ZNF385B: variants seen among roughly 807,000 people sequenced by gnomAD.
The protein encoded by ZNF385B is zinc finger protein 385B.
Under a neutral mutation model 39.2 loss-of-function variants are expected in ZNF385B, and 23 were observed. That is an observed-to-expected ratio of 0.59 (90% CI 0.42 to 0.83). The LOEUF (loss-of-function observed/expected upper bound fraction) is 0.83, where lower values mean the gene tolerates loss of function less well. Ranked by LOEUF, ZNF385B falls within the 40% of genes least tolerant of loss-of-function variation. The pLI is 0.00. For synonymous variants in ZNF385B, 205 were observed against 222.6 expected (o/e 0.92, Z 0.70); for missense variants, 552 against 598.9 (o/e 0.92, Z 0.82).
At position 179,735,767 on chromosome 2, in the gene ZNF385B, T is replaced by C. The variant is rs1489967804; in HGVS notation, c.298+33736A>G. On this transcript the variant is annotated intron_variant, in intron 3 of 9. Coordinates refer to ENST00000410066, the MANE Select transcript of ZNF385B (RefSeq NM_152520.6). ...TGAAATTGGAAATCATCATTCTCAG[T>C]AAACTATCTCAAGAACTAAAAACCA... 5.7e-3 allele frequency among the ~76,000 whole-genome samples: 860 copies of C among 150,522 alleles called. 10 individuals are homozygous for C. Among genetic ancestry groups the C allele is most frequent in the African/African-American group, 0.02 (818 of 40,778 alleles).
chr2:179,577,377 T>C (rs570666357), intron 3 of ZNF385B, among the ~76,000 whole-genome samples: 20 of 152,266 alleles, frequency 1.3e-4, no homozygotes, highest in Non-Finnish European at 5.9e-5. Context: ...ATCAGATATA[T>C]AAATCTCACA....
At chr2:179,744,863 T>C (rs1050845179) in intron 3 of ZNF385B, among the ~76,000 whole-genome samples, 35 of 151,990 alleles carry the variant, frequency 2.3e-4, no homozygotes, top group Admixed American at 1.4e-3. Context: ...AACACCAGAA[T>C]TAGAGTTTAG....
At chr2:179,479,870 T>A (rs1478065046) in intron 6 of ZNF385B, among the ~76,000 whole-genome samples, 1 of 151,990 alleles carries the variant, frequency 6.6e-6, no homozygotes, top group East Asian at 1.9e-4. Flanking sequence ...AAAAAGTTCA[T>A]CTGTGGGTCA....
In ZNF385B at chr2:179,559,885, C is replaced by A. The variant is rs546453802; in HGVS notation, c.299-14916G>T. 2.6e-5 allele frequency among the ~76,000 whole-genome samples: 4 copies of A among 152,214 alleles called. No homozygotes were observed. The East Asian group carries it at 7.7e-4, about 29-fold the overall frequency. On this transcript the variant is annotated intron_variant, in intron 3 of 9. Coordinates refer to ENST00000410066, the MANE Select transcript of ZNF385B (RefSeq NM_152520.6). Reference sequence around the variant, plus strand: ...ATATAGTCATCCTACATAATTACAACTTTCTACCTTTTGACAATATTGGCC... The same window carrying A: ...ATATAGTCATCCTACATAATTACAAATTTCTACCTTTTGACAATATTGGCC...
intron 3 of ZNF385B, among the ~76,000 whole-genome samples, chr2:179,602,464 G>T (rs1688483346): frequency 6.6e-6 from 1 of 152,010 alleles, no homozygotes; most frequent in Non-Finnish European, 1.5e-5. Context: ...CTCCCAAAGT[G>T]CTGGGATTAC....
At chr2:179,740,905 G>A (rs190679694) in intron 3 of ZNF385B, among the ~76,000 whole-genome samples, 55 of 152,170 alleles carry the variant, frequency 3.6e-4, no homozygotes, top group African/African-American at 1.3e-3. Context: ...TTGAAATAAG[G>A]GTATAGTGTT....
intron 5 of ZNF385B, among the ~76,000 whole-genome samples, chr2:179,506,910 T>C (rs1452835422): frequency 6.6e-6 from 1 of 152,112 alleles, no homozygotes; most frequent in African/African-American, 2.4e-5. Flanking sequence ...ATTTTCTAAT[T>C]TGAAGGAAGC....
intron 3 of ZNF385B, among the ~76,000 whole-genome samples, chr2:179,549,246 T>G (rs2060420379): frequency 6.7e-6 from 1 of 149,684 alleles, no homozygotes; most frequent in Non-Finnish European, 1.5e-5. Context: ...TCCCACTATT[T>G]TGCTATTATA....
At chr2:179,850,098 C>T (rs1004038712) in intron 1 of ZNF385B, among the ~76,000 whole-genome samples, 1 of 152,142 alleles carries the variant, frequency 6.6e-6, no homozygotes, top group East Asian at 1.9e-4. Flanking sequence ...GTGCAGTGTG[C>T]TCAAAAGCTG....
intron 3 of ZNF385B, among the ~76,000 whole-genome samples, chr2:179,583,411 G>A (rs556142541): frequency 6.6e-6 from 1 of 152,246 alleles, no homozygotes; most frequent in Admixed American, 6.5e-5. Context: ...AGAGGCAGAA[G>A]GAAGTAACAT....
chr2:179,493,749 G>GTATATACA (rs1220901203), intron 5 of ZNF385B, among the ~76,000 whole-genome samples: 23 of 120,518 alleles, frequency 1.9e-4, no homozygotes, highest in Admixed American at 1.8e-3. Flanking sequence ...ATACATATGT[G>GTATATACA]TATATACATA....
In ZNF385B at chr2:179,771,546, G is replaced by C. The variant is rs1018890348; in HGVS notation, c.-154-874C>G. ...CCTTAAAATCTGCTCAAACTATGCA[G>C]AAATCAGGTTTAAGCAGTTCCTGTA... On this transcript the variant is annotated intron_variant, in intron 1 of 9. Transcript: ENST00000410066. 4.6e-5 allele frequency among the ~76,000 whole-genome samples: 7 copies of C among 152,140 alleles called. No individual in the cohort carries two copies. The East Asian group carries it at 5.8e-4, about 13-fold the overall frequency.
intron 1 of ZNF385B, among the ~76,000 whole-genome samples, chr2:179,798,007 T>A (rs772859587): frequency 7.2e-5 from 11 of 152,166 alleles, no homozygotes; most frequent in African/African-American, 2.7e-4. Flanking sequence ...ATGCTTCATT[T>A]TTTTTCCCTG....
intron 3 of ZNF385B, among the ~76,000 whole-genome samples, chr2:179,669,239 G>A (rs1053116972): frequency 3.9e-5 from 6 of 152,174 alleles, no homozygotes; most frequent in African/African-American, 1.2e-4. Flanking sequence ...GAGGAGTGGG[G>A]ATTTGAAAGC....
chr2:179,857,385 C>T (rs959927883), intron 1 of ZNF385B, among the ~76,000 whole-genome samples: 12 of 152,116 alleles, frequency 7.9e-5, no homozygotes, highest in Admixed American at 7.2e-4. Flanking sequence ...GTAGTCCACA[C>T]GGAAGAGATC....
At chr2:179,751,409 G>A (rs1397924038) in intron 3 of ZNF385B, among the ~76,000 whole-genome samples, 2 of 151,976 alleles carry the variant, frequency 1.3e-5, no homozygotes, top group Non-Finnish European at 2.9e-5. Context: ...CTGTGGTATC[G>A]CGTTTTCAAG....
At chr2:179,633,603 AT>A (rs1301060544) in intron 3 of ZNF385B, among the ~76,000 whole-genome samples, 1 of 152,234 alleles carries the variant, frequency 6.6e-6, no homozygotes, top group Non-Finnish European at 1.5e-5. Context: ...ATCATACTGA[AT>A]GGGCAAAACC....
chr2:179,794,790 C>T (rs1199702116), intron 1 of ZNF385B, among the ~76,000 whole-genome samples: 3 of 152,012 alleles, frequency 2.0e-5, no homozygotes, highest in Non-Finnish European at 2.9e-5. Flanking sequence ...CAGGAGTCAT[C>T]TTGGATGAGA....
intron 3 of ZNF385B, among the ~76,000 whole-genome samples, chr2:179,567,062 C>T (rs1684676613): frequency 6.6e-6 from 1 of 152,024 alleles, no homozygotes; most frequent in African/African-American, 2.4e-5. Flanking sequence ...ATTACAGGCA[C>T]CAGCCACCAC....
Sources: gnomAD v4.1 joint callset for allele counts (sites outside exome capture counted in the v4.1 genomes callset) on GRCh38, gnomAD v4.1.1 for gene constraint, MANE v1.5 for transcripts, NCBI Gene and HGNC (gene_info 2026-07-23, HGNC 2026-07-21) for gene names.